The following ATF7 variants were observed in gnomAD, a reference collection of about 807,000 sequenced individuals.
ATF7 encodes the protein activating transcription factor 7.
A neutral mutation model predicts 50.4 loss-of-function variants in ATF7; 10 were observed. The observed-to-expected ratio is 0.20, with a 90% CI of 0.12 to 0.34. The LOEUF is 0.34. Ranked by LOEUF, ATF7 falls within the 10% of genes least tolerant of loss-of-function variation. The pLI is 1.00. For missense variants in ATF7, 465 were observed against 613.9 expected (o/e 0.76, Z 2.56); for synonymous variants, 201 against 226.4 (o/e 0.89, Z 1.01).
chr12:53,534,407 T>C (rs1939098510), intron 6 of ATF7, 95 bp downstream of exon 6: 3 of 1,542,668 alleles, frequency 1.9e-6, no homozygotes, highest in African/African-American at 1.4e-5. Flanking sequence ...CTTATTTTCC[T>C]TGGGTATTGG....
Position 53,600,795 on chromosome 12 carries a change from C to T in ATF7, c.48+158G>A. ...AGATTTCATTACGGTAGAGTGCCTA[C>T]ACTTCCTCATAACTTGGATTTACAC... On this transcript the variant is annotated intron_variant, in intron 2 of 11. Transcript: ENST00000420353. 5 of 651,646 alleles carry T rather than the reference C, an allele frequency of 7.7e-6. No homozygotes were observed. The South Asian group carries it at 7.7e-5, about 10-fold the overall frequency. The allele number at this position is 651,646 out of a possible 1,614,324, so 40.4% of individuals were successfully genotyped here. A position where few individuals can be genotyped will look rare whatever the true frequency, so the allele number is the denominator to read the frequency against.
chr12:53,622,304 AAATAATAATAAT>A (rs139640578), intron 1 of ATF7, among the ~76,000 whole-genome samples: 1 of 148,168 alleles, frequency 6.7e-6, no homozygotes, highest in Non-Finnish European at 1.5e-5. Flanking sequence ...TCCATCTCAA[AAATAATAATAAT>A]AATAATAATA....
Position 53,514,983 on chromosome 12 carries a change from G to C in ATF7, c.*2154C>G, listed in dbSNP as rs1286495923. The C allele has an allele frequency of 6.6e-6, 1 of 152,210 alleles. No homozygotes were observed. The highest frequency in any genetic ancestry group is 2.4e-5 in the African/African-American group (1 of 41,450). 9.4% of individuals were successfully genotyped at this position (152,210 alleles called of 1,614,324 possible). ...ATCCCAGGGAGCAGCCAGCTAAAGG[G>C]GAAGTCCTGAGCACAAGTTACGGCT... is the stretch of plus-strand genomic sequence containing the variant. On this transcript the variant is annotated 3_prime_UTR_variant, in exon 12 of 12. Transcript: ENST00000420353.
intron 2 of ATF7, among the ~76,000 whole-genome samples, chr12:53,579,551 CAAA>C (rs532383571): frequency 9.9e-5 from 6 of 60,666 alleles, no homozygotes; most frequent in Admixed American, 1.9e-4. Flanking sequence ...AACTCCGTCT[CAAA>C]AAAAAAAAAA....
intron 2 of ATF7, among the ~76,000 whole-genome samples, chr12:53,558,203 T>C (rs570207660): frequency 1.3e-5 from 2 of 152,334 alleles, no homozygotes; most frequent in East Asian, 1.9e-4. Flanking sequence ...CATGGGACAT[T>C]TGACAATGTT....
intron 5 of ATF7, among the ~76,000 whole-genome samples, chr12:53,536,491 G>A (rs1365322258): frequency 1.3e-5 from 2 of 151,818 alleles, no homozygotes; most frequent in Admixed American, 6.6e-5. Flanking sequence ...TGGCCAGGCT[G>A]GTCTTGAACT....
At chr12:53,538,065 C>T (rs373144285) in intron 4 of ATF7, among the ~76,000 whole-genome samples, 3 of 151,928 alleles carry the variant, frequency 2.0e-5, no homozygotes. Context: ...ATCATTTTGT[C>T]GGTAATTCTC....
At chr12:53,540,626 T>G (rs1266867263) in intron 4 of ATF7, among the ~76,000 whole-genome samples, 2 of 151,878 alleles carry the variant, frequency 1.3e-5, no homozygotes, top group Non-Finnish European at 2.9e-5. Flanking sequence ...CTCGGGAGGC[T>G]GAGGCAGGAG....
chr12:53,616,317 G>A (rs998274679), intron 1 of ATF7, among the ~76,000 whole-genome samples: 8 of 152,084 alleles, frequency 5.3e-5, no homozygotes, highest in African/African-American at 1.4e-4. Context: ...CCGCCTCCCA[G>A]GCTCAAGTAA....
intron 5 of ATF7, among the ~76,000 whole-genome samples, chr12:53,536,852 C>T (rs896184120): frequency 7.2e-5 from 11 of 152,094 alleles, no homozygotes; most frequent in Middle Eastern, 3.4e-3. Context: ...CACGCCATTG[C>T]ACTCCAGCCT....
Position 53,552,438 on chromosome 12 carries a change from T to C in ATF7, c.145+103A>G, listed in dbSNP as rs1332110619. 1.1e-5 allele frequency: 10 copies of C among 901,600 alleles called. No homozygotes were observed. In the Admixed American group the frequency reaches 2.0e-4, roughly 18 times the overall value. 55.9% of individuals were successfully genotyped at this position (901,600 alleles called of 1,614,324 possible). On this transcript the variant is annotated intron_variant, in intron 3 of 11. Transcript: ENST00000420353. Reference sequence around the variant, plus strand: ...TTAAATGCAGATCACATAAGGGCTCTTAATGGGAGAAAGGGAGTACAGCTC... The same window carrying C: ...TTAAATGCAGATCACATAAGGGCTCCTAATGGGAGAAAGGGAGTACAGCTC...
At chr12:53,543,574 A>G in intron 3 of ATF7, 126 bp from the exon 4 acceptor site, 1 of 1,068,606 alleles carries the variant, frequency 9.4e-7, no homozygotes, top group East Asian at 2.6e-5. Flanking sequence ...TGTTAGGGCA[A>G]ATTTGCTTTA....
chr12:53,543,591 C>G, intron 3 of ATF7, 143 bp from the exon 4 acceptor site: 1 of 857,262 alleles, frequency 1.2e-6, no homozygotes, highest in Non-Finnish European at 1.7e-6. Context: ...TTTAATGGAG[C>G]TCTAGTAGGC....
chr12:53,620,575 CAAAAAAAAAA>C (rs34516346), intron 1 of ATF7, among the ~76,000 whole-genome samples: 1 of 75,770 alleles, frequency 1.3e-5, no homozygotes, highest in Non-Finnish European at 2.4e-5. Context: ...GACTCCGTCT[CAAAAAAAAAA>C]AAAAAAAAAA....
At position 53,569,681 on chromosome 12, in the gene ATF7, A is replaced by ATT. The variant is rs60334028; in HGVS notation, c.49-17046_49-17045dup. ...TTGTAGATGTTCAAATTTTTTTTTAATTTTTTTTTTTGAGATGGAGTCTCG... is the reference window on the plus strand; with the variant it reads ...TTGTAGATGTTCAAATTTTTTTTTAATTTTTTTTTTTTTGAGATGGAGTCTCG... On this transcript the variant is annotated intron_variant, in intron 2 of 11. Transcript: ENST00000420353. Among the ~76,000 whole-genome samples the ATT allele has an allele frequency of 2.1e-4, 31 of 148,188 alleles. No homozygotes were observed. The East Asian group carries it at 2.4e-3, about 11-fold the overall frequency.
chr12:53,596,489 A>G (rs1200484485), intron 2 of ATF7, among the ~76,000 whole-genome samples: 1 of 152,194 alleles, frequency 6.6e-6, no homozygotes, highest in Non-Finnish European at 1.5e-5. Flanking sequence ...CAAACACTTG[A>G]TTATGGTAAC....
intron 2 of ATF7, among the ~76,000 whole-genome samples, chr12:53,594,887 C>CA (rs561674660): frequency 0.052 from 5,031 of 97,518 alleles, 366 homozygotes; most frequent in African/African-American, 0.16. Context: ...GACCCCATCT[C>CA]AAAAAAAAAA....
rs1938301657 is a variant in ATF7, at chr12:53,524,234, G to A, written c.1125+330C>T. 6.6e-6 allele frequency among the ~76,000 whole-genome samples: 1 copy of A among 152,022 alleles called. No homozygotes were observed. Among genetic ancestry groups the A allele is most frequent in the African/African-American group, 2.4e-5 (1 of 41,384 alleles). ...CTCTTTTATTAAGCTGCATTATCTAGGGCAAACACATTTCCCTTTTGGTTT... is the reference window on the plus strand; with the variant it reads ...CTCTTTTATTAAGCTGCATTATCTAAGGCAAACACATTTCCCTTTTGGTTT... On this transcript the variant is annotated intron_variant, in intron 10 of 11. Transcript: ENST00000420353. The surrounding 1 kb of genome is among the most constrained non-coding windows in gnomAD (Gnocchi z 4.6).
Position 53,531,883 on chromosome 12 carries a change from G to A in ATF7, c.788C>T (p.Thr263Ile). Residue 263 changes from threonine (T) to isoleucine (I), a missense_variant, in exon 9 of 12, where the codon ACC becomes ATC. Transcript: ENST00000420353. The stretch of plus-strand genomic sequence containing the variant: ...GATTGAGGAGACTTGGTGAGTTAGG[G>A]TGGCTTTCAGTCTCTGTGGGCAAAG... ...PSEAKMRLKATLTHQVSSING... is the reference protein window; with the variant it reads ...PSEAKMRLKAILTHQVSSING... 6.2e-7 allele frequency: 1 copy of A among 1,613,686 alleles called. No individual in the cohort carries two copies. The highest frequency in any genetic ancestry group is 1.7e-4 in the Middle Eastern group (1 of 5,958).
Sources: gnomAD v4.1 joint callset for allele counts (sites outside exome capture counted in the v4.1 genomes callset) on GRCh38, gnomAD v4.1.1 for gene constraint, Gnocchi (gnomAD v3.1) non-coding constraint, MANE v1.5 for transcripts, NCBI Gene and HGNC (gene_info 2026-07-23, HGNC 2026-07-21) for gene names.